Variants in TNFRSF19 observed in about 807,000 individuals in gnomAD.
The protein encoded by TNFRSF19 is tumor necrosis factor receptor superfamily member 19.
A neutral mutation model predicts 46.4 loss-of-function variants in TNFRSF19; 27 were observed. The observed-to-expected ratio is 0.58, with a 90% CI of 0.43 to 0.80. The LOEUF is 0.80. Ranked by LOEUF, TNFRSF19 falls within the 30% of genes least tolerant of loss-of-function variation. TNFRSF19 has a pLI of 0.00. For synonymous variants in TNFRSF19, 204 were observed against 205.0 expected, an observed-to-expected ratio of 1.00 and a Z score of 0.04; for missense variants, 511 against 530.8, an observed-to-expected ratio of 0.96 and a Z score of 0.37.
intron 4 of TNFRSF19, among the ~76,000 whole-genome samples, chr13:23,619,717 C>G (rs1881530773): frequency 1.3e-5 from 2 of 152,300 alleles, no homozygotes; most frequent in Middle Eastern, 3.4e-3. Flanking sequence ...TGATAAAAGC[C>G]TGTCTGTGCG....
At chr13:23,620,802 G>A (rs568708814) in intron 4 of TNFRSF19, among the ~76,000 whole-genome samples, 14 of 152,164 alleles carry the variant, frequency 9.2e-5, no homozygotes, top group Non-Finnish European at 2.1e-4. Context: ...CAGGGGAACT[G>A]GAACCCGCCC....
intron 5 of TNFRSF19, among the ~76,000 whole-genome samples, chr13:23,645,125 T>A (rs1016692698): frequency 2.6e-5 from 4 of 152,248 alleles, no homozygotes; most frequent in Admixed American, 6.5e-5. Flanking sequence ...ATTAATTTTT[T>A]AAAAATCACC....
intron 5 of TNFRSF19, among the ~76,000 whole-genome samples, chr13:23,652,767 G>A (rs1190987374): frequency 6.6e-6 from 1 of 152,142 alleles, no homozygotes; most frequent in Non-Finnish European, 1.5e-5. Flanking sequence ...TTATTGATTG[G>A]ACAAGTCCCC....
intron 5 of TNFRSF19, among the ~76,000 whole-genome samples, chr13:23,653,587 G>C (rs1883787941): frequency 6.6e-6 from 1 of 152,122 alleles, no homozygotes; most frequent in South Asian, 2.1e-4. Context: ...CGGCAGTCTA[G>C]GGGAGCATTG....
chr13:23,618,871 A>G (rs1881477108), intron 4 of TNFRSF19, among the ~76,000 whole-genome samples: 1 of 152,152 alleles, frequency 6.6e-6, no homozygotes, highest in Admixed American at 6.5e-5. Context: ...TCCCCTCACA[A>G]ATATGCCCTG....
intron 3 of TNFRSF19, among the ~76,000 whole-genome samples, chr13:23,596,895 A>G (rs1289709815): frequency 6.6e-6 from 1 of 152,092 alleles, no homozygotes; most frequent in African/African-American, 2.4e-5. Context: ...AAATCATAAC[A>G]GTCTCTCAGA....
chr13:23,653,337 G>A (rs1883765611), intron 5 of TNFRSF19, among the ~76,000 whole-genome samples: 1 of 152,240 alleles, frequency 6.6e-6, no homozygotes, highest in Non-Finnish European at 1.5e-5. Flanking sequence ...GACGAGCCTG[G>A]TGGGTGTGTT....
At chr13:23,621,402 C>T (rs1328880192) in intron 4 of TNFRSF19, among the ~76,000 whole-genome samples, 1 of 152,174 alleles carries the variant, frequency 6.6e-6, no homozygotes, top group Non-Finnish European at 1.5e-5. Flanking sequence ...AAGGTGCTAG[C>T]AAGAGCCCAG....
At chr13:23,601,683 CACAT>C (rs774805730) in intron 3 of TNFRSF19, among the ~76,000 whole-genome samples, 16 of 152,100 alleles carry the variant, frequency 1.1e-4, no homozygotes, top group Non-Finnish European at 2.2e-4. Flanking sequence ...CACACACACA[CACAT>C]AAGTGAAATT....
At chr13:23,656,089 A>G (rs1251547119) in intron 5 of TNFRSF19, among the ~76,000 whole-genome samples, 1 of 152,222 alleles carries the variant, frequency 6.6e-6, no homozygotes, top group Non-Finnish European at 1.5e-5. Context: ...GTTTGGATCA[A>G]TAAGATGCCT....
intron 1 of TNFRSF19, among the ~76,000 whole-genome samples, chr13:23,582,595 A>C (rs1300140485): frequency 2.0e-5 from 3 of 152,234 alleles, no homozygotes; most frequent in South Asian, 4.1e-4. Flanking sequence ...GCATATATTT[A>C]AATTTATAAT....
chr13:23,661,813 A>G (rs1884384676), intron 7 of TNFRSF19, among the ~76,000 whole-genome samples: 1 of 151,886 alleles, frequency 6.6e-6, no homozygotes, highest in African/African-American at 2.4e-5. Flanking sequence ...GCTTTTTTTC[A>G]TATGCTTGTT....
Position 23,668,065 on chromosome 13 carries a change from A to G in TNFRSF19, c.822A>G (p.Ala274=). The G allele has an allele frequency of 6.2e-7, 1 of 1,607,024 alleles. No individual in the cohort carries two copies. Among genetic ancestry groups the G allele is most frequent in the Non-Finnish European group, 8.5e-7 (1 of 1,176,864 alleles). ...CTCTTGGTTGTGGGGTGCATTCTGC[A>G]GCCAGTCTTCAGGCAAGGTAACTAG... ...PATLGCGVHS[A]ASLQARNAGP... The change falls in exon 8 of 10, where the codon GCA becomes GCG. Residue 274 remains alanine, a synonymous_variant. Coordinates refer to ENST00000248484, the MANE Select transcript of TNFRSF19 (RefSeq NM_148957.4).
chr13:23,590,485 C>T (rs562075286), intron 2 of TNFRSF19, among the ~76,000 whole-genome samples: 2 of 152,238 alleles, frequency 1.3e-5, no homozygotes, highest in Admixed American at 6.5e-5. Flanking sequence ...CAGGCACCCA[C>T]CACCACTCCC....
At chr13:23,627,538 G>A (rs1466699621) in intron 5 of TNFRSF19, among the ~76,000 whole-genome samples, 3 of 152,194 alleles carry the variant, frequency 2.0e-5, no homozygotes, top group African/African-American at 7.2e-5. Context: ...CCCACAGGAA[G>A]GGAACCGGTG....
Position 23,668,951 on chromosome 13 carries a change from G to C in TNFRSF19, c.1099G>C (p.Glu367Gln), listed in dbSNP as rs146078649. 1.5e-5 allele frequency: 25 copies of C among 1,614,216 alleles called. No homozygotes were observed. The East Asian group carries it at 4.9e-4, about 32-fold the overall frequency. Reference sequence around the variant, plus strand: ...GGCTGTTCCAGTCCAGTCTCATTCTGAAAACTTTACAGCAGCTACTGATTT... The same window carrying C: ...GGCTGTTCCAGTCCAGTCTCATTCTCAAAACTTTACAGCAGCTACTGATTT... Reference protein sequence around the residue: ...GGAVPVQSHSENFTAATDLSR... With the variant: ...GGAVPVQSHSQNFTAATDLSR... Residue 367 changes from glutamate (E) to glutamine (Q), a missense_variant, in exon 9 of 10, where the codon GAA (glutamate) becomes CAA (glutamine). Around this residue, in one of 3 missense-constraint regions of TNFRSF19, gnomAD observed 376 missense variants for 372.7 expected, o/e 1.01. Coordinates refer to ENST00000248484, the MANE Select transcript of TNFRSF19 (RefSeq NM_148957.4).
intron 4 of TNFRSF19, among the ~76,000 whole-genome samples, chr13:23,617,023 G>A (rs1881344223): frequency 6.6e-6 from 1 of 152,232 alleles, no homozygotes; most frequent in South Asian, 2.1e-4. Context: ...GCAGGACAGT[G>A]ACAGCGTAAA....
intron 1 of TNFRSF19, among the ~76,000 whole-genome samples, chr13:23,579,962 C>A (rs947906160): frequency 3.9e-5 from 6 of 152,228 alleles, no homozygotes; most frequent in African/African-American, 1.2e-4. Flanking sequence ...GGCCGCATCC[C>A]GGACCAGCGC....
chr13:23,668,026 C>T lies in TNFRSF19; in HGVS notation c.783C>T (p.Ser261=), dbSNP rs61745191. 88,176 of 1,609,992 alleles carry T rather than the reference C, an allele frequency of 0.055. 2,780 individuals are homozygous for T. The highest frequency in any genetic ancestry group is 0.082 in the Middle Eastern group (495 of 6,056). ...LPSMCCEEAC[S]PNPATLGCGV... is the part of the protein sequence containing the mutation. The stretch of plus-strand genomic sequence containing the variant: ...CCATGTGCTGTGAGGAGGCCTGCAG[C>T]CCCAACCCGGCGACTCTTGGTTGTG... Residue 261 remains serine (S), a synonymous_variant, in exon 8 of 10, where the codon AGC becomes AGT. Coordinates refer to ENST00000248484, the MANE Select transcript of TNFRSF19 (RefSeq NM_148957.4).
Sources: gnomAD v4.1 joint callset for allele counts (sites outside exome capture counted in the v4.1 genomes callset) on GRCh38, gnomAD v4.1.1 for gene constraint, gnomAD v4.1.1 regional missense constraint, MANE v1.5 for transcripts, NCBI Gene and HGNC (gene_info 2026-07-23, HGNC 2026-07-21) for gene names.